The following DLGAP1 variants were observed in gnomAD, a reference collection of about 807,000 sequenced individuals.
DLGAP1 encodes DLG associated protein 1.
A neutral mutation model predicts 90.8 loss-of-function variants in DLGAP1; 11 were observed. The ratio of observed to expected loss-of-function variants is 0.12; its 90% CI spans 0.08 to 0.20. DLGAP1 has a LOEUF of 0.20. Ranked by LOEUF, DLGAP1 falls within the 10% of genes least tolerant of loss-of-function variation. DLGAP1 has a pLI of 1.00. For synonymous variants in DLGAP1, 558 were observed against 540.7 expected (o/e 1.03, Z -0.44); for missense variants, 1,050 against 1,333.8 (o/e 0.79, Z 3.31).
At chr18:4,389,480 T>C (rs370579630) in intron 1 of DLGAP1, among the ~76,000 whole-genome samples, 14 of 152,180 alleles carry the variant, frequency 9.2e-5, no homozygotes, top group East Asian at 5.8e-4. Context: ...AACTGTACAC[T>C]TAAAAATGGC....
intron 11 of DLGAP1, among the ~76,000 whole-genome samples, chr18:3,506,172 G>A (rs1465771977): frequency 6.6e-6 from 1 of 151,936 alleles, no homozygotes; most frequent in Non-Finnish European, 1.5e-5. Flanking sequence ...AGGAGGTGGA[G>A]ATTGCAGTAA....
chr18:4,356,015 A>G (rs2081505745), intron 1 of DLGAP1, among the ~76,000 whole-genome samples: 1 of 151,626 alleles, frequency 6.6e-6, no homozygotes, highest in African/African-American at 2.4e-5. Flanking sequence ...ATCACCAATG[A>G]CATCTATGTT....
intron 1 of DLGAP1, among the ~76,000 whole-genome samples, chr18:4,432,614 G>A (rs1333322892): frequency 6.6e-6 from 1 of 151,962 alleles, no homozygotes; most frequent in African/African-American, 2.4e-5. Flanking sequence ...GTGTGTGTGT[G>A]TGTGTGTGTG....
chr18:4,097,491 T>G (rs1256933122), intron 2 of DLGAP1, among the ~76,000 whole-genome samples: 1 of 152,230 alleles, frequency 6.6e-6, no homozygotes, highest in Non-Finnish European at 1.5e-5. Flanking sequence ...AATGTGGATG[T>G]AGTCATCCTC....
chr18:4,293,502 C>T (rs1367915642), intron 1 of DLGAP1: 2 of 152,210 alleles, frequency 1.3e-5, no homozygotes, highest in Admixed American at 6.5e-5. Context: ...AACTTCCTCT[C>T]AGAGATTTCT....
chr18:4,248,184 A>C (rs1261384455), intron 1 of DLGAP1, among the ~76,000 whole-genome samples: 1 of 152,156 alleles, frequency 6.6e-6, no homozygotes, highest in Non-Finnish European at 1.5e-5. Flanking sequence ...GTTCCTGTGC[A>C]ACTGCATTAA....
intron 11 of DLGAP1, among the ~76,000 whole-genome samples, chr18:3,507,370 A>C (rs945252306): frequency 6.6e-6 from 1 of 151,846 alleles, no homozygotes; most frequent in Non-Finnish European, 1.5e-5. Context: ...ACAAAAAATT[A>C]GCTGGGCATG....
intron 2 of DLGAP1, among the ~76,000 whole-genome samples, chr18:4,059,799 C>A (rs966274880): frequency 6.6e-5 from 10 of 152,106 alleles, no homozygotes; most frequent in African/African-American, 2.4e-4. Flanking sequence ...GACAGGAAAT[C>A]CTCAAATTAG....
At chr18:4,160,733 C>T (rs1429546282) in intron 1 of DLGAP1, among the ~76,000 whole-genome samples, 1 of 152,160 alleles carries the variant, frequency 6.6e-6, no homozygotes, top group East Asian at 1.9e-4. Context: ...TGCCTCAAGT[C>T]AAATGTGCAG....
At chr18:3,573,228 G>A (rs191675979) in intron 8 of DLGAP1, among the ~76,000 whole-genome samples, 54 of 152,140 alleles carry the variant, frequency 3.5e-4, no homozygotes, top group African/African-American at 1.2e-3. Flanking sequence ...TTGTCTGGGC[G>A]CAGTGGTTCA....
chr18:4,442,485 T>A (rs1002041460), intron 1 of DLGAP1, among the ~76,000 whole-genome samples: 5 of 152,130 alleles, frequency 3.3e-5, no homozygotes, highest in Admixed American at 2.6e-4. Context: ...TAGTGGGAGA[T>A]CAAAATACAG....
intron 1 of DLGAP1, among the ~76,000 whole-genome samples, chr18:4,312,130 C>T (rs568921781): frequency 6.6e-6 from 1 of 152,344 alleles, no homozygotes; most frequent in African/African-American, 2.4e-5. Flanking sequence ...GGACTACAGG[C>T]ATGAGCCACT....
chr18:4,082,058 A>G (rs2075615664), intron 2 of DLGAP1, among the ~76,000 whole-genome samples: 1 of 151,948 alleles, frequency 6.6e-6, no homozygotes, highest in Non-Finnish European at 1.5e-5. Context: ...AAATACAAAA[A>G]GGCTGGGTGC....
chr18:4,383,656 G>A lies in DLGAP1; in HGVS notation c.-267+71350C>T, dbSNP rs1407311824. Among the ~76,000 whole-genome samples, 2 of 151,938 alleles carry A rather than the reference G, an allele frequency of 1.3e-5. No individual in the cohort carries two copies. The highest frequency in any genetic ancestry group is 4.8e-5 in the African/African-American group (2 of 41,350). The stretch of plus-strand genomic sequence containing the variant: ...TTTCTGACTATGCTATGTAGAATGC[G>A]AAGTGATTAAACATCACAGATTATT... On this transcript the variant is annotated intron_variant, in intron 1 of 12. Transcript: ENST00000315677. This position sits in a 1 kb window ranked among gnomAD's most constrained non-coding sequence, Gnocchi z 4.0.
rs1255080993 is a variant in DLGAP1 at position 4,086,766 on chromosome 18, C to CT, written c.-159+64413dup. 2.0e-5 allele frequency among the ~76,000 whole-genome samples: 3 copies of CT among 151,740 alleles called. 1 individual carries two copies. Among genetic ancestry groups the CT allele is most frequent in the Non-Finnish European group, 2.9e-5 (2 of 67,880 alleles). ...TATGCACTTAAAAAGAATGTATATT[C>CT]TTTTTAAGTCAGGTCAAGTTTGTTG... On this transcript the variant is annotated intron_variant, in intron 2 of 12. Coordinates refer to ENST00000315677, the MANE Select transcript of DLGAP1 (RefSeq NM_004746.4).
intron 1 of DLGAP1, among the ~76,000 whole-genome samples, chr18:4,230,265 C>A (rs901243496): frequency 6.6e-6 from 1 of 152,078 alleles, no homozygotes; most frequent in African/African-American, 2.4e-5. Context: ...TATGACCCAG[C>A]AATCTCACTG....
At chr18:4,002,028 C>A (rs956561142) in intron 3 of DLGAP1, among the ~76,000 whole-genome samples, 2 of 57,774 alleles carry the variant, frequency 3.5e-5, no homozygotes, top group Non-Finnish European at 7.2e-5. Context: ...TTTATTACAA[C>A]CCACACATAT....
intron 5 of DLGAP1, among the ~76,000 whole-genome samples, chr18:3,810,682 G>C (rs1239705329): frequency 6.6e-6 from 1 of 152,144 alleles, no homozygotes. Context: ...ATGATCTGCA[G>C]TCAAAACATC....
intron 3 of DLGAP1, among the ~76,000 whole-genome samples, chr18:3,955,714 CAA>C (rs1201869271): frequency 4.0e-5 from 5 of 123,686 alleles, no homozygotes; most frequent in Admixed American, 8.1e-5. Context: ...AACTCCGTCT[CAA>C]AAAAAAAAAA....
Sources: allele counts gnomAD v4.1 joint callset (sites outside exome capture counted in the v4.1 genomes callset), GRCh38; gene constraint gnomAD v4.1.1; non-coding constraint Gnocchi (gnomAD v3.1); transcripts MANE v1.5; gene names NCBI Gene and HGNC (gene_info 2026-07-23, HGNC 2026-07-21).